The following NXPE2 variants were observed in gnomAD, a reference collection of about 807,000 sequenced individuals.
The protein encoded by NXPE2 is NXPE family member 2.
NXPE2 carries 34 observed loss-of-function variants against 34.4 expected under a neutral mutation model. The ratio of observed to expected loss-of-function variants is 0.99; its 90% CI spans 0.75 to 1.31. The LOEUF (loss-of-function observed/expected upper bound fraction) is 1.31. Among genes scored for constraint, NXPE2 ranks in the 40% most tolerant of loss-of-function variants. The pLI, the probability that NXPE2 is intolerant of heterozygous loss-of-function variation, is 0.00. For missense variants in NXPE2, 649 were observed against 672.5 expected, an observed-to-expected ratio of 0.97 and a Z score of 0.39; for synonymous variants, 235 against 231.3, an observed-to-expected ratio of 1.02 and a Z score of -0.15.
At chr11:114,468,039 G>A in the NXPE2 span, among the ~76,000 whole-genome samples, 1 of 151,658 alleles carries the variant, frequency 6.6e-6, no homozygotes, top group Non-Finnish European at 1.5e-5. Context: ...GAGCAAGGGT[G>A]TCCAATCTTT....
the NXPE2 span, among the ~76,000 whole-genome samples, chr11:114,661,834 G>A: frequency 2.0e-5 from 3 of 152,110 alleles, no homozygotes; most frequent in Non-Finnish European, 2.9e-5. Flanking sequence ...CACAGAGGTT[G>A]ACAGAAAAAA....
chr11:114,566,548 C>T, the NXPE2 span, among the ~76,000 whole-genome samples: 1 of 152,066 alleles, frequency 6.6e-6, no homozygotes, highest in African/African-American at 2.4e-5. Flanking sequence ...CTGGCAGGAG[C>T]GATTTAGAAC....
the NXPE2 span, among the ~76,000 whole-genome samples, chr11:114,782,288 G>A: frequency 3.3e-3 from 497 of 152,298 alleles, 3 homozygotes; most frequent in African/African-American, 0.012. Context: ...CTAGGCCCAA[G>A]GCCTGAGTGA....
chr11:114,538,016 T>A, the NXPE2 span, among the ~76,000 whole-genome samples: 2 of 152,198 alleles, frequency 1.3e-5, no homozygotes, highest in Admixed American at 6.5e-5. Context: ...TCCCGCTACC[T>A]GACTTCAAAC....
chr11:114,542,735 C>T, the NXPE2 span, among the ~76,000 whole-genome samples: 1 of 151,994 alleles, frequency 6.6e-6, no homozygotes, highest in Non-Finnish European at 1.5e-5. Context: ...AAGCAATAGT[C>T]ATTTACCAAG....
chr11:114,553,617 G>T, the NXPE2 span: 1 of 639,070 alleles, frequency 1.6e-6, no homozygotes, highest in Non-Finnish European at 1.9e-6. Context: ...TAAGCCATAA[G>T]TAACTGCAAA....
the NXPE2 span, among the ~76,000 whole-genome samples, chr11:114,666,367 C>T: frequency 2.6e-5 from 4 of 151,968 alleles, no homozygotes; most frequent in African/African-American, 9.7e-5. Flanking sequence ...ATAATTACCC[C>T]AATTTGGGGA....
the NXPE2 span, among the ~76,000 whole-genome samples, chr11:114,469,109 C>CTT: frequency 5.5e-3 from 489 of 88,844 alleles, 1 homozygote; most frequent in Non-Finnish European, 7.1e-3. Context: ...ACAGTGCTAG[C>CTT]TTTTTTTTTT....
chr11:114,538,726 A>T, the NXPE2 span, among the ~76,000 whole-genome samples: 1 of 152,162 alleles, frequency 6.6e-6, no homozygotes. Context: ...AATCAAAACC[A>T]CAATGAGATA....
chr11:114,583,564 T>C, the NXPE2 span: 1 of 595,872 alleles, frequency 1.7e-6, no homozygotes, highest in East Asian at 4.4e-5. Context: ...CAGCATTTGA[T>C]GGCCTGTTTG....
chr11:114,522,327 C>T, the NXPE2 span: 2 of 1,613,982 alleles, frequency 1.2e-6, no homozygotes, highest in African/African-American at 1.3e-5. Context: ...GTGTTTTTGT[C>T]ACCTGATAGC....
At chr11:114,577,945 A>G in the NXPE2 span, among the ~76,000 whole-genome samples, 1 of 152,310 alleles carries the variant, frequency 6.6e-6, no homozygotes, top group Admixed American at 6.5e-5. Context: ...TATACAAAGC[A>G]TTTATTTGGA....
chr11:114,700,009 G>C (rs1951336017), intron 3 of NXPE2, among the ~76,000 whole-genome samples: 1 of 152,184 alleles, frequency 6.6e-6, no homozygotes, highest in East Asian at 1.9e-4. Flanking sequence ...GGCCAGGCTG[G>C]TCTTGAACTC....
the NXPE2 span, among the ~76,000 whole-genome samples, chr11:114,548,028 T>TA: frequency 9.9e-5 from 15 of 151,334 alleles, no homozygotes; most frequent in Non-Finnish European, 1.9e-4. Context: ...AATACCACAT[T>TA]AAAAAAAAGG....
chr11:114,519,937 T>G, the NXPE2 span, among the ~76,000 whole-genome samples: 30,510 of 141,536 alleles, frequency 0.22, 5,383 homozygotes, highest in African/African-American at 0.48. Flanking sequence ...TGTAGCCCAG[T>G]CTGGAGTGCA....
the NXPE2 span, among the ~76,000 whole-genome samples, chr11:114,744,313 G>A: frequency 6.6e-6 from 1 of 152,124 alleles, no homozygotes; most frequent in Non-Finnish European, 1.5e-5. Context: ...GGTCAGAGTG[G>A]CGTAGATACA....
chr11:114,591,640 T>A, the NXPE2 span, among the ~76,000 whole-genome samples: 2 of 152,122 alleles, frequency 1.3e-5, no homozygotes, highest in Non-Finnish European at 1.5e-5. Flanking sequence ...TCAGGATGAC[T>A]ACAGTCAGAA....
At chr11:114,514,548 C>T in the NXPE2 span, among the ~76,000 whole-genome samples, 1 of 151,832 alleles carries the variant, frequency 6.6e-6, no homozygotes. Flanking sequence ...ACCACCACAC[C>T]CAGCTAATTT....
chr11:114,678,477 T>A, upstream of NXPE2: 1 of 915,860 alleles, frequency 1.1e-6, no homozygotes. Context: ...TTTTGATCAA[T>A]GAAGCTCATA....
Sources: gnomAD v4.1 joint callset for allele counts (sites outside exome capture counted in the v4.1 genomes callset) on GRCh38, gnomAD v4.1.1 for gene constraint, MANE v1.5 for transcripts, NCBI Gene and HGNC (gene_info 2026-07-23, HGNC 2026-07-21) for gene names.